EPHA5: variants seen among roughly 807,000 people sequenced by gnomAD.
EPHA5 encodes the protein EPH receptor A5.
A neutral mutation model predicts 105.0 loss-of-function variants in EPHA5; 60 were observed. That is an observed-to-expected ratio of 0.57 (90% CI 0.46 to 0.71). The LOEUF is 0.71. Ranked by LOEUF, EPHA5 falls within the 30% of genes least tolerant of loss-of-function variation. The probability of loss-of-function intolerance (pLI) is 0.00; values close to 1 mark genes in which losing one functional copy is unlikely to be tolerated. For missense variants in EPHA5, 1,218 were observed against 1,274.7 expected, an observed-to-expected ratio of 0.96 and a Z score of 0.68; for synonymous variants, 513 against 449.1, an observed-to-expected ratio of 1.14 and a Z score of -1.80.
rs187587254 is a variant in EPHA5 at position 65,406,879 on chromosome 4, A to T, written c.1688-2400T>A. Reference sequence around the variant, plus strand: ...ATCATTAATCAAACAAAAAAATCAAACTGGTTTGATCTCTTTCTGGTTTCT... The same window carrying T: ...ATCATTAATCAAACAAAAAAATCAATCTGGTTTGATCTCTTTCTGGTTTCT... On this transcript the variant is annotated intron_variant, in intron 7 of 16. Transcript: ENST00000613740. Among the ~76,000 whole-genome samples, 196 of 152,032 alleles carry T rather than the reference A, an allele frequency of 1.3e-3. 1 individual carries two copies. The highest frequency in any genetic ancestry group is 0.01 in the Middle Eastern group (3 of 294).
At chr4:65,622,865 C>T (rs1745826630) in intron 2 of EPHA5, among the ~76,000 whole-genome samples, 1 of 152,004 alleles carries the variant, frequency 6.6e-6, no homozygotes, top group South Asian at 2.1e-4. Flanking sequence ...AATATTTAAA[C>T]CTCAAGCTCA....
chr4:65,640,285 T>C, intron 2 of EPHA5, among the ~76,000 whole-genome samples: 1 of 135,592 alleles, frequency 7.4e-6, no homozygotes, highest in Non-Finnish European at 1.6e-5. Flanking sequence ...GTTTTTTCTT[T>C]TTTTTTTTTT....
chr4:65,429,920 C>T (rs1387263928), intron 5 of EPHA5, among the ~76,000 whole-genome samples: 1 of 151,990 alleles, frequency 6.6e-6, no homozygotes, highest in Non-Finnish European at 1.5e-5. Flanking sequence ...ATCCCAATCA[C>T]AATATCTTTA....
At chr4:65,382,709 C>T (rs971204589) in intron 8 of EPHA5, among the ~76,000 whole-genome samples, 29 of 151,880 alleles carry the variant, frequency 1.9e-4, no homozygotes, top group African/African-American at 7.0e-4. Flanking sequence ...CCAGGCCTTA[C>T]TTTACAATAA....
At chr4:65,343,993 C>T (rs1035365339) in intron 14 of EPHA5, among the ~76,000 whole-genome samples, 1 of 151,100 alleles carries the variant, frequency 6.6e-6, no homozygotes, top group Admixed American at 6.6e-5. Flanking sequence ...ATTAAAGGCA[C>T]AAGGAAAAAT....
chr4:65,397,609 AG>A (rs1182993812), intron 8 of EPHA5, among the ~76,000 whole-genome samples: 1 of 121,872 alleles, frequency 8.2e-6, no homozygotes, highest in Non-Finnish European at 2.0e-5. Flanking sequence ...TTAGATTTCT[AG>A]TTTTTTTTTT....
At chr4:65,499,338 T>C (rs916701640) in intron 3 of EPHA5, among the ~76,000 whole-genome samples, 2 of 151,778 alleles carry the variant, frequency 1.3e-5, no homozygotes, top group Middle Eastern at 3.4e-3. Context: ...TCCAAGTAGC[T>C]ACAATTCTTT....
chr4:65,367,469 A>G, intron 8 of EPHA5, 45 bp from the exon 9 acceptor site: 1 of 1,554,124 alleles, frequency 6.4e-7, no homozygotes, highest in South Asian at 1.1e-5. Flanking sequence ...AAAGTGGTGA[A>G]TCAGTCACAT....
rs551977298 is a variant in EPHA5 at position 65,410,302 on chromosome 4, C to G, written c.1687+3982G>C. Among the ~76,000 whole-genome samples the G allele has an allele frequency of 2.8e-4, 43 of 152,204 alleles. 1 individual carries two copies. Among genetic ancestry groups the G allele is most frequent in the African/African-American group, 1.0e-3 (42 of 41,522 alleles). ...AGGGAATCATGCTAAGTGAAAAAAG[C>G]CAATTCCAAATTAAAAGGCACGTAC... is the stretch of plus-strand genomic sequence containing the variant. On this transcript the variant is annotated intron_variant, in intron 7 of 16. Coordinates refer to ENST00000613740, the MANE Select transcript of EPHA5 (RefSeq NM_001281766.3).
At chr4:65,453,967 C>A (rs1231666482) in intron 5 of EPHA5, among the ~76,000 whole-genome samples, 6 of 94,974 alleles carry the variant, frequency 6.3e-5, no homozygotes, top group Admixed American at 6.3e-4. Context: ...CAGACCCCTA[C>A]GGATTTGCTG....
At chr4:65,625,904 G>T (rs548518781) in intron 2 of EPHA5, among the ~76,000 whole-genome samples, 3 of 151,978 alleles carry the variant, frequency 2.0e-5, no homozygotes, top group Admixed American at 6.6e-5. Context: ...GAGGTCAGGA[G>T]ATCGAGACCA....
At chr4:65,631,994 A>C (rs1746679625) in intron 2 of EPHA5, among the ~76,000 whole-genome samples, 1 of 150,566 alleles carries the variant, frequency 6.6e-6, no homozygotes, top group Non-Finnish European at 1.5e-5. Flanking sequence ...GAATAATGCC[A>C]ACATCACACT....
chr4:65,527,222 T>C (rs1735319978), intron 3 of EPHA5, among the ~76,000 whole-genome samples: 1 of 152,076 alleles, frequency 6.6e-6, no homozygotes, highest in Non-Finnish European at 1.5e-5. Flanking sequence ...TGTTATTACT[T>C]GCAATAGCGA....
At chr4:65,572,805 C>A (rs557854965) in intron 3 of EPHA5, among the ~76,000 whole-genome samples, 1 of 148,964 alleles carries the variant, frequency 6.7e-6, no homozygotes, top group East Asian at 2.1e-4. Flanking sequence ...CCGAGGCAGG[C>A]GGATAACCTG....
At chr4:65,539,993 A>G (rs576874484) in intron 3 of EPHA5, among the ~76,000 whole-genome samples, 1 of 151,628 alleles carries the variant, frequency 6.6e-6, no homozygotes, top group South Asian at 2.1e-4. Flanking sequence ...ATTTGGTTTG[A>G]AATTTACAAA....
intron 8 of EPHA5, among the ~76,000 whole-genome samples, chr4:65,401,193 T>C (rs986750714): frequency 6.6e-6 from 1 of 152,090 alleles, no homozygotes; most frequent in Non-Finnish European, 1.5e-5. Context: ...TCAAATATAG[T>C]TTCCCAAATT....
chr4:65,494,052 T>C (rs1731685178), intron 4 of EPHA5, among the ~76,000 whole-genome samples: 1 of 152,188 alleles, frequency 6.6e-6, no homozygotes, highest in Non-Finnish European at 1.5e-5. Flanking sequence ...ATAGTTTATA[T>C]CTTCTCCATT....
In EPHA5 at chr4:65,489,277, G is replaced by T. The variant is rs148019225; in HGVS notation, c.1402+1100C>A. On this transcript the variant is annotated intron_variant, in intron 5 of 16. Transcript: ENST00000613740. ...CCAACAATTCAAATTAATTATTTTT[G>T]CTGAGACTTTGTAACCAACAGCATT... 8.7e-4 allele frequency among the ~76,000 whole-genome samples: 132 copies of T among 152,134 alleles called. 1 individual carries two copies. The East Asian group carries it at 0.023, about 27-fold the overall frequency.
At chr4:65,643,527 A>C in intron 1 of EPHA5, 100 bp from the exon 2 acceptor site, 1 of 952,072 alleles carries the variant, frequency 1.1e-6, no homozygotes, top group Non-Finnish European at 1.6e-6. Context: ...TGTTTACATA[A>C]CTGAAATTAA....
Sources: gnomAD v4.1 joint callset for allele counts (sites outside exome capture counted in the v4.1 genomes callset) on GRCh38, gnomAD v4.1.1 for gene constraint, MANE v1.5 for transcripts, NCBI Gene and HGNC (gene_info 2026-07-23, HGNC 2026-07-21) for gene names.